The following PRDM16 variants were observed in gnomAD, a reference collection of about 807,000 sequenced individuals.
PRDM16 encodes histone-lysine N-methyltransferase PRDM16.
Under a neutral mutation model 110.6 loss-of-function variants are expected in PRDM16, and 23 were observed. The ratio of observed to expected loss-of-function variants is 0.21; its 90% CI spans 0.15 to 0.29. PRDM16 has a LOEUF of 0.29. Ranked by LOEUF, PRDM16 falls within the 10% of genes least tolerant of loss-of-function variation. The pLI is 1.00. For synonymous variants in PRDM16, 799 were observed against 781.8 expected, an observed-to-expected ratio of 1.02 and a Z score of -0.37; for missense variants, 1,615 against 1,794.3, an observed-to-expected ratio of 0.90 and a Z score of 1.81.
intron 3 of PRDM16, among the ~76,000 whole-genome samples, chr1:3,323,732 G>A (rs954917320): frequency 3.9e-5 from 6 of 152,256 alleles, no homozygotes; most frequent in African/African-American, 1.4e-4. Flanking sequence ...AGCAGTAAAA[G>A]CTGCAAGGTC....
chr1:3,315,184 CCTCCCTCTCCCT>C (rs372326389), intron 3 of PRDM16, among the ~76,000 whole-genome samples: 5 of 147,220 alleles, frequency 3.4e-5, no homozygotes, highest in Admixed American at 2.7e-4. Context: ...TCCCTCCCAC[CCTCCCTCTCCCT>C]CTCCCTCTCC....
chr1:3,356,270 G>GC (rs1473246268), intron 3 of PRDM16, among the ~76,000 whole-genome samples: 1 of 152,140 alleles, frequency 6.6e-6, no homozygotes, highest in Non-Finnish European at 1.5e-5. Context: ...GCCCCCCCCA[G>GC]CCCCCCTGCG....
Position 3,425,748 on chromosome 1 carries a change from C to T in PRDM16, c.3107C>T (p.Pro1036Leu). Residue 1036 changes from proline to leucine, a missense_variant and splice_region_variant, in exon 13 of 17, where the codon CCA becomes CTA. By Grantham distance (98) the Pro-to-Leu change is moderately conservative (BLOSUM62 -3). Transcript: ENST00000270722. The surrounding 1 kb of genome is among the most constrained non-coding windows in gnomAD (Gnocchi z 6.9). ...AAGAAGCACGAGCACGAGAACGCAC[C>T]AGGTGGGCCACGCGGGGTGGGGCAG... ...HLKKHEHENA[P>L]VSQHPGVLTN... The T allele has an allele frequency of 1.2e-6, 2 of 1,613,436 alleles. No individual in the cohort carries two copies. Among genetic ancestry groups the T allele is most frequent in the Non-Finnish European group, 1.7e-6 (2 of 1,179,892 alleles).
chr1:3,269,261 G>T (rs12117395), intron 3 of PRDM16, among the ~76,000 whole-genome samples: 214 of 152,306 alleles, frequency 1.4e-3, no homozygotes, highest in Non-Finnish European at 2.1e-3. Context: ...ACACAATCCC[G>T]GAGGAGGACA....
chr1:3,255,252 G>C lies in PRDM16; in HGVS notation c.438+11115G>C, dbSNP rs1356472013. Among the ~76,000 whole-genome samples, 2 of 152,132 alleles carry C rather than the reference G, an allele frequency of 1.3e-5. No individual in the cohort carries two copies. The highest frequency in any genetic ancestry group is 4.8e-5 in the African/African-American group (2 of 41,414). On this transcript the variant is annotated intron_variant, in intron 3 of 16. Transcript: ENST00000270722. The surrounding 1 kb of genome is among the most constrained non-coding windows in gnomAD (Gnocchi z 4.7). ...CATTCAGGACATAGGCATGGGCAAG[G>C]ACTTCATGTCTAAAACACCACAAGC...
intron 3 of PRDM16, among the ~76,000 whole-genome samples, chr1:3,362,408 G>A (rs1047671669): frequency 2.6e-5 from 4 of 152,180 alleles, no homozygotes; most frequent in South Asian, 2.1e-4. Context: ...TCATGGTTGC[G>A]GCAAGAAGAG....
rs966399829 is a variant in PRDM16, at chr1:3,234,513, C to T, written c.388-9574C>T. 5.9e-5 allele frequency among the ~76,000 whole-genome samples: 9 copies of T among 152,194 alleles called. No homozygotes were observed. The South Asian group carries it at 1.0e-3, about 18-fold the overall frequency. On this transcript the variant is annotated intron_variant, in intron 2 of 16. Coordinates refer to ENST00000270722, the MANE Select transcript of PRDM16 (RefSeq NM_022114.4). Reference sequence around the variant, plus strand: ...CTGATTTCTAGCCGCCTGCCCGAGACGCCTGGTCCAGCAAGAGGCCCTGAG... The same window carrying T: ...CTGATTTCTAGCCGCCTGCCCGAGATGCCTGGTCCAGCAAGAGGCCCTGAG...
chr1:3,372,574 T>A (rs1642925289), intron 3 of PRDM16, among the ~76,000 whole-genome samples: 1 of 152,226 alleles, frequency 6.6e-6, no homozygotes, highest in Non-Finnish European at 1.5e-5. Context: ...GCTGTTGGGC[T>A]TTTTTTCTTT....
intron 1 of PRDM16, among the ~76,000 whole-genome samples, chr1:3,134,069 G>A (rs1274658298): frequency 6.6e-6 from 1 of 152,216 alleles, no homozygotes; most frequent in Non-Finnish European, 1.5e-5. Context: ...GTTGTGTCAC[G>A]AGTGGGAGAC....
At chr1:3,242,897 G>C (rs543935804) in intron 2 of PRDM16, among the ~76,000 whole-genome samples, 12 of 152,240 alleles carry the variant, frequency 7.9e-5, no homozygotes, top group South Asian at 2.1e-4. Flanking sequence ...CCGTATACTC[G>C]ACCGTGCATG....
chr1:3,341,455 T>C (rs887114924), intron 3 of PRDM16, among the ~76,000 whole-genome samples: 1 of 151,958 alleles, frequency 6.6e-6, no homozygotes, highest in Non-Finnish European at 1.5e-5. Flanking sequence ...AATGGAAGAA[T>C]CGGGGTGGTC....
At chr1:3,098,254 C>G (rs1038099560) in intron 1 of PRDM16, among the ~76,000 whole-genome samples, 2 of 152,154 alleles carry the variant, frequency 1.3e-5, no homozygotes, top group African/African-American at 4.8e-5. Context: ...ATCCTTCTCC[C>G]GGGCTGCACC....
At chr1:3,156,928 G>A (rs1276341944) in intron 1 of PRDM16, among the ~76,000 whole-genome samples, 2 of 152,244 alleles carry the variant, frequency 1.3e-5, no homozygotes, top group East Asian at 3.8e-4. Context: ...CCTCGGTGGG[G>A]ACACGGGGTC....
chr1:3,075,122 G>C (rs1410681323), intron 1 of PRDM16, among the ~76,000 whole-genome samples: 1 of 152,268 alleles, frequency 6.6e-6, no homozygotes, highest in Admixed American at 6.5e-5. Context: ...GGCCTAGCCT[G>C]AGACGCGGGA....
intron 3 of PRDM16, among the ~76,000 whole-genome samples, chr1:3,266,040 C>T (rs1640282818): frequency 6.6e-6 from 1 of 152,226 alleles, no homozygotes; most frequent in African/African-American, 2.4e-5. Context: ...GTCTTGAGTC[C>T]ATCCAGGGCG....
At chr1:3,118,411 G>A (rs1331330527) in intron 1 of PRDM16, among the ~76,000 whole-genome samples, 1 of 152,154 alleles carries the variant, frequency 6.6e-6, no homozygotes, top group Non-Finnish European at 1.5e-5. Flanking sequence ...GGGGCTCCTG[G>A]GTGTGCCTGG....
chr1:3,240,034 GGAGAA>G (rs1439077636), intron 2 of PRDM16, among the ~76,000 whole-genome samples: 16 of 138,270 alleles, frequency 1.2e-4, no homozygotes, highest in South Asian at 2.5e-4. Flanking sequence ...GAAGAGGAGA[GGAGAA>G]GAGGAGAGGA....
rs1414786330 is a variant in PRDM16 at position 3,436,848 on chromosome 1, G to A, written c.*3037G>A. Reference sequence around the variant, plus strand: ...TCAGGGCTGCAAGCCAGGGGTCCAGGGCCCTTCCGTTCAGCCCAAATGCTG... The same window carrying A: ...TCAGGGCTGCAAGCCAGGGGTCCAGAGCCCTTCCGTTCAGCCCAAATGCTG... On this transcript the variant is annotated 3_prime_UTR_variant, in exon 17 of 17. Transcript: ENST00000270722. 2 of 233,220 alleles carry A rather than the reference G, an allele frequency of 8.6e-6. No homozygotes were observed. The highest frequency in any genetic ancestry group is 1.7e-5 in the Non-Finnish European group (2 of 118,036). The allele number at this position is 233,220 out of a possible 1,614,324, so 14.4% of individuals were successfully genotyped here.
chr1:3,437,857 C>G lies in PRDM16; in HGVS notation c.*4046C>G, dbSNP rs1638950239. ...ATTGCCTTCAGCGTCACGTGCATTG[C>G]CACTGCGCTTTCGGCACGAGGGATG... is the stretch of plus-strand genomic sequence containing the variant. On this transcript the variant is annotated 3_prime_UTR_variant, in exon 17 of 17. Transcript: ENST00000270722. 4.6e-6 allele frequency: 1 copy of G among 218,108 alleles called. No homozygotes were observed. The highest frequency in any genetic ancestry group is 9.2e-6 in the Non-Finnish European group (1 of 108,462). 13.5% of individuals were successfully genotyped at this position (218,108 alleles called of 1,614,324 possible). A position where few individuals can be genotyped will look rare whatever the true frequency, so the allele number is the denominator to read the frequency against.
Sources: allele counts gnomAD v4.1 joint callset (sites outside exome capture counted in the v4.1 genomes callset), GRCh38; gene constraint gnomAD v4.1.1; non-coding constraint Gnocchi (gnomAD v3.1); transcripts MANE v1.5; gene names NCBI Gene and HGNC (gene_info 2026-07-23, HGNC 2026-07-21).